Variants in SLC30A4 observed in about 807,000 individuals in gnomAD.
SLC30A4 encodes the protein probable proton-coupled zinc antiporter SLC30A4.
A neutral mutation model predicts 41.7 loss-of-function variants in SLC30A4; 20 were observed. That is an observed-to-expected ratio of 0.48 (90% CI 0.34 to 0.70). The LOEUF (loss-of-function observed/expected upper bound fraction) is 0.70, where lower values mean the gene tolerates loss of function less well. Among genes scored for constraint, SLC30A4 ranks in the 30% least tolerant of loss-of-function variants. The pLI is 0.01. For missense variants in SLC30A4, 441 were observed against 529.3 expected, an observed-to-expected ratio of 0.83 and a Z score of 1.64; for synonymous variants, 181 against 195.9, an observed-to-expected ratio of 0.92 and a Z score of 0.64.
chr15:45,485,418 A>T (rs371615910), intron 7 of SLC30A4, 101 bp from the exon 8 acceptor site: 1 of 758,744 alleles, frequency 1.3e-6, no homozygotes, highest in South Asian at 2.0e-5. Context: ...ATATATTTTT[A>T]TTAGTCTGAT....
In SLC30A4 at chr15:45,485,155, A is replaced by T; in HGVS notation, c.*8T>A. 1 of 1,607,030 alleles carries T rather than the reference A, an allele frequency of 6.2e-7. No homozygotes were observed. The highest frequency in any genetic ancestry group is 8.5e-7 in the Non-Finnish European group (1 of 1,177,374). ...TAAATAAGGCAGGAGTTCCCAAAATACATAAAATTAGGGACTAGAACTCTG... is the reference window on the plus strand; with the variant it reads ...TAAATAAGGCAGGAGTTCCCAAAATTCATAAAATTAGGGACTAGAACTCTG... On this transcript the variant is annotated 3_prime_UTR_variant, in exon 8 of 8. Coordinates refer to ENST00000261867, the MANE Select transcript of SLC30A4 (RefSeq NM_013309.6).
intron 7 of SLC30A4, among the ~76,000 whole-genome samples, chr15:45,485,732 T>C (rs1891689511): frequency 6.6e-6 from 1 of 152,118 alleles, no homozygotes; most frequent in South Asian, 2.1e-4. Flanking sequence ...TTTTTTTTTT[T>C]TTAAGATGGA....
Position 45,497,769 on chromosome 15 carries a change from C to T in SLC30A4, c.539-6888G>A, listed in dbSNP as rs192186990. 2.7e-3 allele frequency among the ~76,000 whole-genome samples: 414 copies of T among 152,272 alleles called. 1 individual carries two copies. The highest frequency in any genetic ancestry group is 3.4e-3 in the Non-Finnish European group (232 of 68,012). On this transcript the variant is annotated intron_variant, in intron 3 of 7. Coordinates refer to ENST00000261867, the MANE Select transcript of SLC30A4 (RefSeq NM_013309.6). ...TCACATGAAAAACACTGGATTCCTTCGCTGTCATCCTCTGTTATTTTCCAT... is the reference window on the plus strand; with the variant it reads ...TCACATGAAAAACACTGGATTCCTTTGCTGTCATCCTCTGTTATTTTCCAT...
intron 2 of SLC30A4, chr15:45,515,954 T>G (rs1202014492): frequency 6.6e-6 from 1 of 152,026 alleles, no homozygotes; most frequent in Non-Finnish European, 1.5e-5. Context: ...AGAGACAGGG[T>G]CTTGCCACCT....
intron 5 of SLC30A4, among the ~76,000 whole-genome samples, chr15:45,487,907 AGTAAGTGTGTGTGTGTGTGT>A (rs1891734848): frequency 8.1e-6 from 1 of 124,002 alleles, no homozygotes; most frequent in African/African-American, 3.3e-5. Flanking sequence ...GCTGGAAAGA[AGTAAGTGTGTGTGTGTGTGT>A]GTGTGTGTGT....
chr15:45,507,360 T>TAAATAAA, intron 3 of SLC30A4, among the ~76,000 whole-genome samples: 1 of 114,880 alleles, frequency 8.7e-6, no homozygotes, highest in African/African-American at 3.0e-5. Context: ...AAATAAATAA[T>TAAATAAA]AAATTTCAGG....
chr15:45,512,011 G>T (rs967069201), intron 2 of SLC30A4, among the ~76,000 whole-genome samples: 1 of 152,076 alleles, frequency 6.6e-6, no homozygotes, highest in Non-Finnish European at 1.5e-5. Flanking sequence ...ATTAAACTGA[G>T]AAAACCTACA....
At chr15:45,490,539 A>T (rs1486091432) in intron 4 of SLC30A4, among the ~76,000 whole-genome samples, 189 bp downstream of exon 4, 3 of 152,230 alleles carry the variant, frequency 2.0e-5, no homozygotes, top group Non-Finnish European at 2.9e-5. Flanking sequence ...ATTTTGACTC[A>T]ATCTCCAATA....
At chr15:45,494,884 C>T (rs1891880559) in intron 3 of SLC30A4, among the ~76,000 whole-genome samples, 1 of 151,878 alleles carries the variant, frequency 6.6e-6, no homozygotes, top group South Asian at 2.1e-4. Flanking sequence ...TTATAAAGCA[C>T]GTGGTGGCTC....
intron 2 of SLC30A4, among the ~76,000 whole-genome samples, chr15:45,512,835 T>C (rs1892339992): frequency 6.6e-6 from 1 of 152,122 alleles, no homozygotes; most frequent in Admixed American, 6.6e-5. Flanking sequence ...ATTTAAAAAA[T>C]GGCTAGTAAG....
At chr15:45,493,613 G>A (rs1025917042) in intron 3 of SLC30A4, among the ~76,000 whole-genome samples, 1 of 152,116 alleles carries the variant, frequency 6.6e-6, no homozygotes, top group Non-Finnish European at 1.5e-5. Flanking sequence ...GGATCACAAG[G>A]TCAGGAGTTC....
intron 3 of SLC30A4, among the ~76,000 whole-genome samples, chr15:45,509,529 C>T (rs1892234910): frequency 6.6e-6 from 1 of 151,948 alleles, no homozygotes; most frequent in African/African-American, 2.4e-5. Flanking sequence ...GCTGGGATTA[C>T]AGACGTGAGC....
intron 7 of SLC30A4, among the ~76,000 whole-genome samples, chr15:45,486,040 C>T (rs757100156): frequency 4.0e-5 from 6 of 149,662 alleles, no homozygotes; most frequent in Admixed American, 6.7e-5. Flanking sequence ...TTTTTTTTTC[C>T]GAGATGGAGT....
intron 3 of SLC30A4, among the ~76,000 whole-genome samples, chr15:45,504,034 C>G (rs927421989): frequency 1.3e-5 from 2 of 152,122 alleles, no homozygotes; most frequent in South Asian, 2.1e-4. Flanking sequence ...AAAAATGATT[C>G]CTTCTTCACT....
rs757841218 is a variant in SLC30A4, at chr15:45,522,176, C to G, written c.179G>C (p.Arg60Thr). The G allele has an allele frequency of 6.8e-6, 11 of 1,614,116 alleles. No homozygotes were observed. The highest frequency in any genetic ancestry group is 5.1e-6 in the Non-Finnish European group (6 of 1,180,046). Residue 60 changes from arginine (R) to threonine (T), a missense_variant, in exon 2 of 8, where the codon AGG becomes ACG. By Grantham distance (71) the Arg-to-Thr change is moderately conservative. Transcript: ENST00000261867. ...GGTCGGGTGCGCCCCGTTAACAGGC[C>G]TTTCCGGGGCTTCGGAACCGTCATC... The part of the protein sequence containing the change: ...VADDGSEAPE[R>T]PVNGAHPTLQ...
Position 45,488,852 on chromosome 15 carries a change from T to C in SLC30A4, c.883A>G (p.Ile295Val), listed in dbSNP as rs201153414. The stretch of plus-strand genomic sequence containing the variant: ...ACCAATCATATTACCTTGAATCGTA[T>C]GATGTATGCAGCTATTAGCACACCA... ...SVGVLIAAYI[I>V]RFKPEYKIAD... The change falls in exon 5 of 8, where the codon ATA becomes GTA. Residue 295 changes from isoleucine (I) to valine (V), a missense_variant. Transcript: ENST00000261867. 2.5e-6 allele frequency: 4 copies of C among 1,612,444 alleles called. No homozygotes were observed. The African/African-American group carries it at 4.0e-5, about 16-fold the overall frequency.
chr15:45,511,256 G>A lies in SLC30A4; in HGVS notation c.420C>T (p.Ile140=). The change falls in exon 3 of 8, where the codon ATC becomes ATT. Residue 140 remains isoleucine (I), a synonymous_variant. Transcript: ENST00000261867. The part of the protein sequence containing the change: ...VGGYIANSLA[I]MTDALHMLTD... ...TTAACATATGAAGTGCATCTGTCAT[G>A]ATTGCTAGGCTATTTGCAATGTATC... 1 of 1,610,612 alleles carries A rather than the reference G, an allele frequency of 6.2e-7. No individual in the cohort carries two copies. Among genetic ancestry groups the A allele is most frequent in the Non-Finnish European group, 8.5e-7 (1 of 1,178,094 alleles).
intron 2 of SLC30A4, among the ~76,000 whole-genome samples, chr15:45,517,102 C>G (rs1892501900): frequency 6.6e-6 from 1 of 151,886 alleles, no homozygotes; most frequent in East Asian, 1.9e-4. Context: ...TCTAATTAGA[C>G]CTCTCAACAG....
chr15:45,495,903 G>A (rs1290154044), intron 3 of SLC30A4, among the ~76,000 whole-genome samples: 4 of 152,130 alleles, frequency 2.6e-5, no homozygotes, highest in Admixed American at 1.3e-4. Flanking sequence ...CATTAATAAG[G>A]AATGTGCCTC....
Sources: gnomAD v4.1 joint callset for allele counts (sites outside exome capture counted in the v4.1 genomes callset) on GRCh38, gnomAD v4.1.1 for gene constraint, MANE v1.5 for transcripts, NCBI Gene and HGNC (gene_info 2026-07-23, HGNC 2026-07-21) for gene names.